The following ARHGAP24 variants were observed in gnomAD, a reference collection of about 807,000 sequenced individuals.
The protein encoded by ARHGAP24 is rho GTPase-activating protein 24.
Under a neutral mutation model 76.4 loss-of-function variants are expected in ARHGAP24, and 50 were observed. That is an observed-to-expected ratio of 0.65 (90% CI 0.52 to 0.83). The LOEUF (loss-of-function observed/expected upper bound fraction) is 0.83, where lower values mean the gene tolerates loss of function less well. ARHGAP24 is among the 40% of genes least tolerant of loss of function. The pLI is 0.00. For missense variants in ARHGAP24, 930 were observed against 914.2 expected (o/e 1.02, Z -0.22); for synonymous variants, 345 against 323.3 (o/e 1.07, Z -0.72).
intron 2 of ARHGAP24, among the ~76,000 whole-genome samples, chr4:85,623,943 C>G (rs1013383351): frequency 3.3e-5 from 5 of 151,942 alleles, no homozygotes; most frequent in African/African-American, 9.7e-5. Context: ...ATTTTGTATC[C>G]TGAGACTTTG....
At chr4:85,994,487 A>G in intron 8 of ARHGAP24, 96 bp from the exon 9 acceptor site, 2 of 1,179,898 alleles carry the variant, frequency 1.7e-6, no homozygotes, top group East Asian at 4.7e-5. Context: ...ATAATAATGA[A>G]TGTTCTCTTG....
At chr4:85,930,854 G>A (rs892807559) in intron 4 of ARHGAP24, 1 of 1,606,982 alleles carries the variant, frequency 6.2e-7, no homozygotes, top group Non-Finnish European at 8.5e-7. Flanking sequence ...ACAAGCATGA[G>A]GAGTGGCTGT....
chr4:85,869,680 G>C (rs565924993), intron 3 of ARHGAP24, among the ~76,000 whole-genome samples: 1 of 152,142 alleles, frequency 6.6e-6, no homozygotes, highest in Admixed American at 6.6e-5. Context: ...TAAATTTCCT[G>C]AATCATTTTG....
chr4:85,525,529 A>G (rs1724953337), intron 1 of ARHGAP24, among the ~76,000 whole-genome samples: 1 of 152,118 alleles, frequency 6.6e-6, no homozygotes, highest in Non-Finnish European at 1.5e-5. Flanking sequence ...TTTCAGACAA[A>G]AACCATGGCT....
At chr4:85,700,463 G>A (rs1560591799) in intron 2 of ARHGAP24, among the ~76,000 whole-genome samples, 2 of 151,640 alleles carry the variant, frequency 1.3e-5, no homozygotes. Flanking sequence ...TAATGCAGCT[G>A]ACGTGGTGCA....
chr4:85,724,117 G>A (rs369398649), intron 3 of ARHGAP24, among the ~76,000 whole-genome samples: 112 of 152,256 alleles, frequency 7.4e-4, no homozygotes, highest in Middle Eastern at 6.8e-3. Context: ...TAGAACCCTC[G>A]GCAGGCCGTG....
At chr4:85,690,618 C>T (rs1383780667) in intron 2 of ARHGAP24, among the ~76,000 whole-genome samples, 1 of 151,450 alleles carries the variant, frequency 6.6e-6, no homozygotes, top group Non-Finnish European at 1.5e-5. Context: ...CCATAGTAGT[C>T]TCTGAGGATC....
rs571131587 is a variant in ARHGAP24 at position 85,741,325 on chromosome 4, G to A, written c.268+19353G>A. Among the ~76,000 whole-genome samples the A allele has an allele frequency of 3.9e-5, 6 of 152,252 alleles. No individual in the cohort carries two copies. The South Asian group carries it at 1.2e-3, about 32-fold the overall frequency. ...AATGGGAACATCTTAGAGACTCTAT[G>A]GTGCTATCTTACTAAATTACCCAGA... On this transcript the variant is annotated intron_variant, in intron 3 of 9. Transcript: ENST00000395184.
chr4:85,689,466 A>G (rs1039756830), intron 2 of ARHGAP24, among the ~76,000 whole-genome samples: 5 of 152,124 alleles, frequency 3.3e-5, no homozygotes, highest in Admixed American at 6.5e-5. Flanking sequence ...AGCTCACTAC[A>G]ATCTCCACCT....
intron 2 of ARHGAP24, among the ~76,000 whole-genome samples, chr4:85,597,193 T>C (rs750767020): frequency 7.9e-5 from 12 of 152,120 alleles, no homozygotes; most frequent in East Asian, 3.8e-4. Flanking sequence ...TTAACCAATC[T>C]TAAGATGTAA....
rs200665851 is a variant in ARHGAP24 at position 85,756,589 on chromosome 4, C to CT, written c.268+34626dup. Among the ~76,000 whole-genome samples the CT allele has an allele frequency of 7.8e-3, 1,188 of 151,736 alleles. 11 individuals carry two copies. Among genetic ancestry groups the CT allele is most frequent in the Non-Finnish European group, 0.012 (800 of 67,870 alleles). ...ATGCTAAGCAAGTTCATCTCTGTAT[C>CT]TTTTTTTTTCCAATGACTTGAAACA... On this transcript the variant is annotated intron_variant, in intron 3 of 9. Coordinates refer to ENST00000395184, the MANE Select transcript of ARHGAP24 (RefSeq NM_001025616.3).
intron 2 of ARHGAP24, among the ~76,000 whole-genome samples, chr4:85,654,629 A>G (rs1183758400): frequency 6.6e-6 from 1 of 151,842 alleles, no homozygotes; most frequent in Non-Finnish European, 1.5e-5. Context: ...ATGCATGAAT[A>G]AAAAAATATA....
chr4:85,572,909 C>G (rs1417678435), intron 2 of ARHGAP24, among the ~76,000 whole-genome samples: 3 of 131,976 alleles, frequency 2.3e-5, no homozygotes, highest in Non-Finnish European at 3.1e-5. Context: ...TGGAGTCTCA[C>G]TCTGTAGCCC....
chr4:85,726,324 A>G (rs979466367), intron 3 of ARHGAP24, among the ~76,000 whole-genome samples: 17 of 152,170 alleles, frequency 1.1e-4, no homozygotes, highest in African/African-American at 4.1e-4. Flanking sequence ...ATTGGATTCC[A>G]GGAAACACGC....
chr4:85,501,183 A>C (rs950858929), intron 1 of ARHGAP24, among the ~76,000 whole-genome samples: 16 of 152,232 alleles, frequency 1.1e-4, no homozygotes, highest in Non-Finnish European at 1.5e-5. Flanking sequence ...CACAATAAAC[A>C]TATGTGTGCA....
chr4:85,815,647 C>T (rs1329594770), intron 3 of ARHGAP24, among the ~76,000 whole-genome samples: 1 of 152,198 alleles, frequency 6.6e-6, no homozygotes, highest in East Asian at 1.9e-4. Context: ...AGCCATTCAA[C>T]GAGTCTGTAG....
At position 85,534,435 on chromosome 4, in the gene ARHGAP24, T is replaced by C. The variant is rs111612936; in HGVS notation, c.-20-36087T>C. 9.6e-3 allele frequency among the ~76,000 whole-genome samples: 1,465 copies of C among 152,234 alleles called. 12 individuals are homozygous for C. The highest frequency in any genetic ancestry group is 0.018 in the East Asian group (91 of 5,168). On this transcript the variant is annotated intron_variant, in intron 1 of 9. Coordinates refer to ENST00000395184, the MANE Select transcript of ARHGAP24 (RefSeq NM_001025616.3). ...CTGGCATTCTCACCAGGTCTCCCCT[T>C]TCGCCGCCTGCTCCAGCAGAAGGAA... is the stretch of plus-strand genomic sequence containing the variant.
At chr4:85,948,075 G>A (rs1279550186) in intron 5 of ARHGAP24, among the ~76,000 whole-genome samples, 1 of 152,092 alleles carries the variant, frequency 6.6e-6, no homozygotes, top group African/African-American at 2.4e-5. Flanking sequence ...TTGCTGAGGA[G>A]CTACATCTCT....
rs552495538 is a variant in ARHGAP24, at chr4:85,713,765, G to A, written c.181-8120G>A. Among the ~76,000 whole-genome samples the A allele has an allele frequency of 6.6e-5, 10 of 152,204 alleles. No individual in the cohort carries two copies. In the South Asian group the frequency reaches 2.1e-3, roughly 32 times the overall value. ...CAGGGTGGGAAAAGGCACTCCAAGTGGAGGAACTTGGAATGGAAATTGTTG... is the reference window on the plus strand; with the variant it reads ...CAGGGTGGGAAAAGGCACTCCAAGTAGAGGAACTTGGAATGGAAATTGTTG... On this transcript the variant is annotated intron_variant, in intron 2 of 9. Coordinates refer to ENST00000395184, the MANE Select transcript of ARHGAP24 (RefSeq NM_001025616.3).
Sources: gnomAD v4.1 joint callset for allele counts (sites outside exome capture counted in the v4.1 genomes callset) on GRCh38, gnomAD v4.1.1 for gene constraint, MANE v1.5 for transcripts, NCBI Gene and HGNC (gene_info 2026-07-23, HGNC 2026-07-21) for gene names.